The following PDLIM2 variants were observed in gnomAD, a reference collection of about 807,000 sequenced individuals.
PDLIM2 encodes the protein PDZ and LIM domain 2.
PDLIM2 carries 51 observed loss-of-function variants against 54.1 expected under a neutral mutation model. That is an observed-to-expected ratio of 0.94 (90% confidence interval 0.75 to 1.19). The LOEUF is 1.19. Among genes scored for constraint, PDLIM2 ranks in the 50% most tolerant of loss-of-function variants. PDLIM2 has a pLI of 0.00. For synonymous variants in PDLIM2, 398 were observed against 385.6 expected (o/e 1.03, Z -0.38); for missense variants, 912 against 874.0 (o/e 1.04, Z -0.55).
chr8:22,582,706 T>C (rs1435850290), intron 3 of PDLIM2, among the ~76,000 whole-genome samples: 3 of 151,084 alleles, frequency 2.0e-5, no homozygotes, highest in Admixed American at 6.6e-5. Flanking sequence ...CTCAGCCTCC[T>C]GAGTACCTGG....
At chr8:22,582,816 G>A (rs1038232536) in intron 3 of PDLIM2, among the ~76,000 whole-genome samples, 4 of 151,746 alleles carry the variant, frequency 2.6e-5, no homozygotes, top group Admixed American at 6.6e-5. Flanking sequence ...TCCTGACCTC[G>A]TGATCCACTT....
chr8:22,590,440 G>A (rs1368568748), intron 8 of PDLIM2: 1 of 152,352 alleles, frequency 6.6e-6, no homozygotes, highest in Non-Finnish European at 1.5e-5. Flanking sequence ...CCTGCCCTTG[G>A]GGAGCTCCGT....
exon 1 of PDLIM2, chr8:22,579,268 C>T (rs1457398199): frequency 1.7e-5 from 23 of 1,361,142 alleles, no homozygotes; most frequent in Middle Eastern, 2.7e-4. Context: ...CCGCCCTCCC[C>T]GGCGCCGGGC....
At chr8:22,580,599 T>A (rs1800158842) in intron 1 of PDLIM2, 1 of 1,613,996 alleles carries the variant, frequency 6.2e-7, no homozygotes, top group South Asian at 1.1e-5. Context: ...CCTCTCTTCC[T>A]CAGGTATGGC....
downstream of PDLIM2, chr8:22,594,980 T>G (rs185921123): frequency 2.0e-3 from 411 of 210,158 alleles, no homozygotes; most frequent in South Asian, 8.4e-3. Flanking sequence ...TGAGCTGCCC[T>G]GGGGGTTCAC....
At chr8:22,584,634 C>T (rs992828734) in intron 3 of PDLIM2, among the ~76,000 whole-genome samples, 187 bp from the exon 3 acceptor site, 1 of 152,202 alleles carries the variant, frequency 6.6e-6, no homozygotes, top group Non-Finnish European at 1.5e-5. Context: ...TTTAAGGAAC[C>T]ATGGTTGTCA....
At chr8:22,594,114 C>G in exon 10 of PDLIM2, 2 of 1,427,990 alleles carry the variant, frequency 1.4e-6, no homozygotes, top group Non-Finnish European at 1.8e-6. Flanking sequence ...GGCCTCTCCC[C>G]TGCAGGACTG....
At chr8:22,591,343 C>G in intron 8 of PDLIM2, 1 of 597,022 alleles carries the variant, frequency 1.7e-6, no homozygotes. Flanking sequence ...TGGGCAAACT[C>G]GGCCTTGTAC....
Position 22,593,715 on chromosome 8 carries a change from C to T in PDLIM2, c.1632-18C>T, listed in dbSNP as rs1800616928. On this transcript the variant is annotated intron_variant, in intron 9 of 9. Transcript: ENST00000308354. ...TTGGTGCTGTGGCTCTGAGCTAAAG[C>T]CTCTCCCTCCCCTTCAGGAACCAGG... The T allele has an allele frequency of 6.4e-7, 1 of 1,559,456 alleles. No individual in the cohort carries two copies. The highest frequency in any genetic ancestry group is 8.7e-7 in the Non-Finnish European group (1 of 1,152,204).
chr8:22,578,767 CCAGGACCTGGG>C (rs1800104425), exon 1 of PDLIM2: 1 of 1,233,738 alleles, frequency 8.1e-7, no homozygotes, highest in Non-Finnish European at 1.0e-6. Flanking sequence ...CCCACCCTGC[CCAGGACCTGGG>C]GATGCGGGGC....
At chr8:22,581,181 G>A (rs1174928000) in intron 2 of PDLIM2, 198 bp from the exon 2 acceptor site, 4 of 672,304 alleles carry the variant, frequency 5.9e-6, no homozygotes, top group Non-Finnish European at 7.9e-6. Flanking sequence ...TAGAATGCCA[G>A]TGTGGGGTGG....
chr8:22,585,321 C>T, exon 6 of PDLIM2: 2 of 1,613,010 alleles, frequency 1.2e-6, no homozygotes, highest in Non-Finnish European at 1.7e-6. Flanking sequence ...CCACTTTCAG[C>T]TTCCAGAGTC....
intron 1 of PDLIM2, chr8:22,579,693 GC>G (rs1009165262): frequency 9.1e-5 from 76 of 832,560 alleles, no homozygotes; most frequent in Non-Finnish European, 1.2e-4. Flanking sequence ...CCCCAGGGCA[GC>G]CCCAGGATGG....
chr8:22,585,495 C>T (rs998914236), intron 6 of PDLIM2, 96 bp downstream of exon 5: 4 of 1,238,008 alleles, frequency 3.2e-6, no homozygotes, highest in Non-Finnish European at 4.6e-6. Context: ...GCCAGGCCCA[C>T]CTGGGCAGCC....
At chr8:22,595,499 G>T (rs1029086410), downstream of PDLIM2, 2 of 152,286 alleles carry the variant, frequency 1.3e-5, no homozygotes, top group Admixed American at 1.3e-4. Flanking sequence ...TGCCTTCCTG[G>T]AGGTAGAAGG....
At chr8:22,580,620 G>T (rs573465078) in exon 2 of PDLIM2, 2 of 1,614,082 alleles carry the variant, frequency 1.2e-6, no homozygotes, top group South Asian at 2.2e-5. Context: ...GTTGACGGTG[G>T]ATGTGGCCGG....
intron 8 of PDLIM2, chr8:22,590,742 G>T (rs1766546735): frequency 6.6e-6 from 1 of 152,312 alleles, no homozygotes; most frequent in African/African-American, 2.4e-5. Flanking sequence ...CCAGTGGCTG[G>T]TGTGGGCTCC....
At chr8:22,586,297 C>A (rs983820064) in intron 6 of PDLIM2, among the ~76,000 whole-genome samples, 1 of 152,228 alleles carries the variant, frequency 6.6e-6, no homozygotes, top group African/African-American at 2.4e-5. Context: ...AGAGGCCAGC[C>A]TGGCACTGTG....
At position 22,593,729 on chromosome 8, in the gene PDLIM2, T is replaced by G. The variant is rs1586931413; in HGVS notation, c.1632-4T>G. On this transcript the variant is annotated splice_region_variant and splice_polypyrimidine_tract_variant and intron_variant, in intron 9 of 9. Transcript: ENST00000308354. ...CTGAGCTAAAGCCTCTCCCTCCCCT[T>G]CAGGAACCAGGCTGTGCGCATCCAG... The G allele has an allele frequency of 6.3e-6, 10 of 1,575,412 alleles. No homozygotes were observed. The South Asian group carries it at 1.0e-4, about 17-fold the overall frequency.
Sources: gnomAD v4.1 joint callset for allele counts (sites outside exome capture counted in the v4.1 genomes callset) on GRCh38, gnomAD v4.1.1 for gene constraint, MANE v1.5 for transcripts, NCBI Gene and HGNC (gene_info 2026-07-23, HGNC 2026-07-21) for gene names.